Variants in TUSC3 observed in about 807,000 individuals in gnomAD.
The protein encoded by TUSC3 is tumor suppressor candidate 3.
Under a neutral mutation model 44.8 loss-of-function variants are expected in TUSC3, and 45 were observed. The ratio of observed to expected loss-of-function variants is 1.00; its 90% CI spans 0.79 to 1.29. The LOEUF (loss-of-function observed/expected upper bound fraction) is 1.29, where lower values mean the gene tolerates loss of function less well. Ranked by LOEUF, TUSC3 falls within the 50% of genes most tolerant of loss-of-function variation. TUSC3 has a pLI of 0.00. For synonymous variants in TUSC3, 212 were observed against 152.9 expected (o/e 1.39, Z -2.85); for missense variants, 519 against 437.9 (o/e 1.19, Z -1.65).
At chr8:15,623,346 G>A (rs1030904128) in intron 2 of TUSC3, 97 bp downstream of exon 2, 2 of 1,237,454 alleles carry the variant, frequency 1.6e-6, no homozygotes, top group Non-Finnish European at 2.1e-6. Flanking sequence ...AAGATAAACA[G>A]TTGTTTAATA....
chr8:15,807,464 A>G, the TUSC3 span, among the ~76,000 whole-genome samples: 2,727 of 152,216 alleles, frequency 0.018, 37 homozygotes, highest in Middle Eastern at 0.068. Flanking sequence ...AAAGCTTTTA[A>G]TGTCTCAAAG....
At chr8:15,612,396 A>G (rs1585152646) in intron 1 of TUSC3, among the ~76,000 whole-genome samples, 1 of 152,300 alleles carries the variant, frequency 6.6e-6, no homozygotes, top group African/African-American at 2.4e-5. Context: ...CTCTTATTCT[A>G]TTTAAGCTTC....
chr8:15,513,315 A>G, intron 2 of TUSC3, among the ~76,000 whole-genome samples: 1 of 152,296 alleles, frequency 6.6e-6, no homozygotes, highest in South Asian at 2.1e-4. Flanking sequence ...TTACTCATAA[A>G]AAATAATTTT....
At chr8:15,772,097 A>G in the TUSC3 span, among the ~76,000 whole-genome samples, 1 of 152,086 alleles carries the variant, frequency 6.6e-6, no homozygotes, top group Non-Finnish European at 1.5e-5. Flanking sequence ...TCAAAAAGAA[A>G]AAAAAGAAAA....
intron 2 of TUSC3, among the ~76,000 whole-genome samples, chr8:15,632,004 G>A (rs1805790555): frequency 6.6e-6 from 1 of 152,202 alleles, no homozygotes; most frequent in East Asian, 1.9e-4. Flanking sequence ...ACCGTACCCG[G>A]CCAAGGCTAT....
At chr8:15,627,035 C>G (rs1437657133) in intron 2 of TUSC3, among the ~76,000 whole-genome samples, 1 of 152,004 alleles carries the variant, frequency 6.6e-6, no homozygotes, top group South Asian at 2.1e-4. Flanking sequence ...GGTACTTTTT[C>G]CTACTCTCAC....
intron 2 of TUSC3, among the ~76,000 whole-genome samples, chr8:15,629,380 C>A (rs540403666): frequency 2.0e-5 from 3 of 152,016 alleles, no homozygotes; most frequent in South Asian, 4.2e-4. Flanking sequence ...TGATAGTGGG[C>A]AGAGTGGACC....
chr8:15,565,965 A>G (rs1391932509), intron 1 of TUSC3, among the ~76,000 whole-genome samples: 3 of 152,170 alleles, frequency 2.0e-5, no homozygotes, highest in Non-Finnish European at 4.4e-5. Flanking sequence ...TCTTACTAAT[A>G]AAGATGACTT....
intron 1 of TUSC3, among the ~76,000 whole-genome samples, chr8:15,474,647 T>G (rs991128444): frequency 1.3e-5 from 2 of 152,202 alleles, no homozygotes; most frequent in African/African-American, 2.4e-5. Context: ...ATTTTACAGT[T>G]GGGGGATTTG....
chr8:15,526,254 C>G (rs1408472563), intron 2 of TUSC3, among the ~76,000 whole-genome samples: 1 of 152,060 alleles, frequency 6.6e-6, no homozygotes, highest in Admixed American at 6.5e-5. Flanking sequence ...AGGGTGGTCT[C>G]GATCTCCTGA....
chr8:15,588,766 A>G (rs563561095), intron 1 of TUSC3, among the ~76,000 whole-genome samples: 3 of 152,126 alleles, frequency 2.0e-5, no homozygotes, highest in Non-Finnish European at 4.4e-5. Flanking sequence ...CTTTCTGCAT[A>G]TGGATGGATA....
intron 1 of TUSC3, among the ~76,000 whole-genome samples, chr8:15,544,365 C>G (rs1390431966): frequency 6.6e-6 from 1 of 151,616 alleles, no homozygotes; most frequent in Non-Finnish European, 1.5e-5. Context: ...TTCCAGTACA[C>G]TTATTGACTT....
At chr8:15,719,225 A>G (rs1810195088) in intron 6 of TUSC3, among the ~76,000 whole-genome samples, 1 of 151,934 alleles carries the variant, frequency 6.6e-6, no homozygotes, top group Non-Finnish European at 1.5e-5. Context: ...TGACCCTCTT[A>G]CATTTCCTTG....
chr8:15,705,327 A>G (rs1809572913), intron 6 of TUSC3, among the ~76,000 whole-genome samples: 2 of 152,082 alleles, frequency 1.3e-5, no homozygotes, highest in South Asian at 4.1e-4. Flanking sequence ...AAAACTATTT[A>G]AACAAGAAGA....
At chr8:15,632,520 A>G (rs1447704795) in intron 2 of TUSC3, among the ~76,000 whole-genome samples, 1 of 152,120 alleles carries the variant, frequency 6.6e-6, no homozygotes, top group Non-Finnish European at 1.5e-5. Context: ...TTTATTAAGT[A>G]TTTGGGGAGA....
chr8:15,752,758 AAG>A (rs530971015), intron 9 of TUSC3, among the ~76,000 whole-genome samples: 1 of 152,130 alleles, frequency 6.6e-6, no homozygotes, highest in Non-Finnish European at 1.5e-5. Flanking sequence ...CCCAGAATCA[AAG>A]TTGAAAATAA....
chr8:15,476,344 C>CT (rs1263525323), intron 1 of TUSC3, among the ~76,000 whole-genome samples: 25 of 151,954 alleles, frequency 1.6e-4, no homozygotes, highest in Admixed American at 6.6e-5. Flanking sequence ...ATACTTTATC[C>CT]TTTTTGTATA....
At chr8:15,834,072 T>C in the TUSC3 span, among the ~76,000 whole-genome samples, 3 of 152,132 alleles carry the variant, frequency 2.0e-5, no homozygotes, top group African/African-American at 7.2e-5. Context: ...TTTATGGTTT[T>C]ATATTTTTCT....
At chr8:15,478,687 G>T (rs1022433001) in intron 1 of TUSC3, among the ~76,000 whole-genome samples, 2 of 152,122 alleles carry the variant, frequency 1.3e-5, no homozygotes, top group African/African-American at 4.8e-5. Flanking sequence ...ATTACAGATG[G>T]GTATTTGTGT....
Sources: gnomAD v4.1 joint callset for allele counts (sites outside exome capture counted in the v4.1 genomes callset) on GRCh38, gnomAD v4.1.1 for gene constraint, MANE v1.5 for transcripts, NCBI Gene and HGNC (gene_info 2026-07-23, HGNC 2026-07-21) for gene names.